Variants in SUMF1 observed in about 807,000 individuals in gnomAD.
SUMF1 encodes sulfatase modifying factor 1, also known as formylglycine-generating enzyme.
Under a neutral mutation model 47.6 loss-of-function variants are expected in SUMF1, and 48 were observed. The ratio of observed to expected loss-of-function variants is 1.01; its 90% CI spans 0.80 to 1.28. SUMF1 has a LOEUF of 1.28. Among genes scored for constraint, SUMF1 ranks in the 50% most tolerant of loss-of-function variants. The probability of loss-of-function intolerance (pLI) is 0.00; values close to 1 mark genes in which losing one functional copy is unlikely to be tolerated. For missense variants in SUMF1, 571 were observed against 485.4 expected, an observed-to-expected ratio of 1.18 and a Z score of -1.66; for synonymous variants, 230 against 192.1, an observed-to-expected ratio of 1.20 and a Z score of -1.63.
At chr3:4,161,450 T>G (rs974948134) in intron 8 of SUMF1, among the ~76,000 whole-genome samples, 2 of 152,084 alleles carry the variant, frequency 1.3e-5, no homozygotes, top group Admixed American at 1.3e-4. Context: ...GGGCCTGGAG[T>G]TGGAAACCTT....
rs751907231 is a variant in SUMF1 at position 4,164,150 on chromosome 3, G to T, written c.1015-95405C>A. Among the ~76,000 whole-genome samples, 216 of 152,232 alleles carry T rather than the reference G, an allele frequency of 1.4e-3. 6 individuals carry two copies. The highest frequency in any genetic ancestry group is 3.0e-3 in the Non-Finnish European group (204 of 68,006). On this transcript the variant is annotated intron_variant and NMD_transcript_variant, in intron 8 of 12. Transcript: ENST00000448413. ...GGGACTTTCAGGCATAACAAGAAAG[G>T]CATGTGAAAAGACCAAAGTCTCCCA...
chr3:4,397,944 T>G (rs547553578), intron 7 of SUMF1, among the ~76,000 whole-genome samples: 11 of 152,262 alleles, frequency 7.2e-5, no homozygotes, highest in Admixed American at 5.9e-4. Context: ...CCTAGACATT[T>G]TCTCTGTAGC....
intron 8 of SUMF1, among the ~76,000 whole-genome samples, chr3:4,273,687 G>A (rs991640208): frequency 4.3e-5 from 5 of 115,824 alleles, no homozygotes; most frequent in African/African-American, 3.7e-5. Context: ...AAAGAAGGAA[G>A]GGAGGGAGGA....
chr3:4,437,153 T>C (rs1702429257), intron 3 of SUMF1, among the ~76,000 whole-genome samples: 1 of 152,128 alleles, frequency 6.6e-6, no homozygotes. Flanking sequence ...ATATTAGTAA[T>C]TATAGGAGTA....
chr3:4,068,222 G>A (rs950763858), intron 9 of SUMF1, among the ~76,000 whole-genome samples: 1 of 152,170 alleles, frequency 6.6e-6, no homozygotes, highest in Admixed American at 6.5e-5. Context: ...AGATTATGAT[G>A]AGCAAGGAAT....
chr3:4,253,118 G>A (rs1280503261), intron 8 of SUMF1, among the ~76,000 whole-genome samples: 1 of 152,202 alleles, frequency 6.6e-6, no homozygotes, highest in Middle Eastern at 3.2e-3. Flanking sequence ...AAGGCACTGT[G>A]AAAAGGCTTT....
chr3:4,177,634 A>G (rs1332497365), intron 8 of SUMF1, among the ~76,000 whole-genome samples: 1 of 152,194 alleles, frequency 6.6e-6, no homozygotes, highest in Non-Finnish European at 1.5e-5. Flanking sequence ...AAAGAACTAG[A>G]GAAGCAAGAG....
intron 8 of SUMF1, among the ~76,000 whole-genome samples, chr3:4,224,898 C>G (rs1574995499): frequency 6.6e-6 from 1 of 152,224 alleles, no homozygotes; most frequent in East Asian, 1.9e-4. Context: ...ACAGTTCTCT[C>G]CTTAATTCTA....
chr3:4,104,583 C>T lies in SUMF1; in HGVS notation c.1015-35838G>A, dbSNP rs912416790. ...GAGAGAGGTCAGGGTCCGTATTCTCCGGATACCCACCCTGCTGGGCCACCT... is the reference window on the plus strand; with the variant it reads ...GAGAGAGGTCAGGGTCCGTATTCTCTGGATACCCACCCTGCTGGGCCACCT... On this transcript the variant is annotated intron_variant and NMD_transcript_variant, in intron 8 of 12. Transcript: ENST00000448413. Among the ~76,000 whole-genome samples the T allele has an allele frequency of 2.2e-4, 34 of 151,938 alleles. 1 individual carries two copies. The highest frequency in any genetic ancestry group is 4.3e-4 in the Non-Finnish European group (29 of 67,986).
At chr3:4,216,438 C>A (rs902776800) in intron 8 of SUMF1, among the ~76,000 whole-genome samples, 3 of 152,028 alleles carry the variant, frequency 2.0e-5, no homozygotes, top group Non-Finnish European at 2.9e-5. Context: ...CATAAAAATC[C>A]TAGAAGAAAA....
At chr3:4,132,458 T>A (rs1396465728) in intron 8 of SUMF1, among the ~76,000 whole-genome samples, 1 of 152,128 alleles carries the variant, frequency 6.6e-6, no homozygotes, top group Non-Finnish European at 1.5e-5. Context: ...AGGCCATGTA[T>A]GCTCTGAATC....
chr3:4,166,154 G>A (rs933025208), intron 8 of SUMF1, among the ~76,000 whole-genome samples: 10 of 152,150 alleles, frequency 6.6e-5, no homozygotes, highest in Non-Finnish European at 1.0e-4. Context: ...CAGAAAAATC[G>A]GATTTAGTGA....
At chr3:4,372,425 T>G (rs2125209500) in intron 8 of SUMF1, among the ~76,000 whole-genome samples, 1 of 152,358 alleles carries the variant, frequency 6.6e-6, no homozygotes, top group South Asian at 2.1e-4. Flanking sequence ...TTTATTGATT[T>G]TTTTCCTTTT....
chr3:4,234,902 C>T (rs1004020239), intron 8 of SUMF1, among the ~76,000 whole-genome samples: 3 of 152,274 alleles, frequency 2.0e-5, no homozygotes, highest in East Asian at 1.9e-4. Flanking sequence ...GATGCATTAT[C>T]AAGGGCATTT....
chr3:4,077,804 AT>A (rs1692472652), intron 8 of SUMF1, among the ~76,000 whole-genome samples: 1 of 152,186 alleles, frequency 6.6e-6, no homozygotes, highest in South Asian at 2.1e-4. Context: ...TTAAAGTATA[AT>A]AAAAAAAAAC....
intron 8 of SUMF1, among the ~76,000 whole-genome samples, chr3:4,265,540 C>A (rs147344599): frequency 2.6e-4 from 39 of 152,276 alleles, no homozygotes; most frequent in African/African-American, 8.7e-4. Context: ...ACCCCTCAAA[C>A]TATACTATTT....
At chr3:4,355,824 A>C (rs1193040589) in intron 8 of SUMF1, among the ~76,000 whole-genome samples, 1 of 152,198 alleles carries the variant, frequency 6.6e-6, no homozygotes, top group East Asian at 1.9e-4. Flanking sequence ...ACTGTGACTA[A>C]TTCCAAAGGC....
chr3:4,321,490 A>AG (rs1559224723), intron 8 of SUMF1, among the ~76,000 whole-genome samples: 2 of 149,860 alleles, frequency 1.3e-5, no homozygotes, highest in African/African-American at 2.5e-5. Context: ...AAAAAAAAAA[A>AG]AAAGAAAAAG....
intron 9 of SUMF1, among the ~76,000 whole-genome samples, chr3:4,061,425 T>C (rs1397677005): frequency 6.6e-6 from 1 of 152,142 alleles, no homozygotes; most frequent in Non-Finnish European, 1.5e-5. Flanking sequence ...TGCTGACCAA[T>C]TCCTCTTCCT....
Sources: allele counts gnomAD v4.1 joint callset (sites outside exome capture counted in the v4.1 genomes callset), GRCh38; gene constraint gnomAD v4.1.1; transcripts MANE v1.5; gene names NCBI Gene and HGNC (gene_info 2026-07-23, HGNC 2026-07-21).